Variants in NUDT6 observed in about 807,000 individuals in gnomAD.
NUDT6 encodes the protein nudix hydrolase 6.
Under a neutral mutation model 36.8 loss-of-function variants are expected in NUDT6, and 24 were observed. The ratio of observed to expected loss-of-function variants is 0.65; its 90% CI spans 0.47 to 0.92. The LOEUF is 0.92. NUDT6 is among the 40% of genes least tolerant of loss of function. The pLI, the probability that NUDT6 is intolerant of heterozygous loss-of-function variation, is 0.00. For synonymous variants in NUDT6, 163 were observed against 157.0 expected (o/e 1.04, Z -0.29); for missense variants, 388 against 392.8 (o/e 0.99, Z 0.10).
upstream of NUDT6, chr4:122,922,781 C>G (rs1728128712): frequency 3.4e-6 from 2 of 582,372 alleles, no homozygotes; most frequent in South Asian, 4.5e-5. Context: ...GGGAAAACCT[C>G]CTCCCCCACC....
chr4:122,902,910 G>A (rs1227218988), intron 3 of NUDT6, among the ~76,000 whole-genome samples: 1 of 152,168 alleles, frequency 6.6e-6, no homozygotes, highest in Non-Finnish European at 1.5e-5. Flanking sequence ...AATGCCTGGG[G>A]AGAGTGAGGT....
At chr4:122,903,917 A>G (rs1268020853) in intron 3 of NUDT6, among the ~76,000 whole-genome samples, 2 of 152,236 alleles carry the variant, frequency 1.3e-5, no homozygotes, top group Non-Finnish European at 2.9e-5. Flanking sequence ...CTGGGTCCAG[A>G]TAAACCAGCA....
At chr4:122,901,017 AGAT>A (rs1323980275) in intron 3 of NUDT6, among the ~76,000 whole-genome samples, 1 of 152,224 alleles carries the variant, frequency 6.6e-6, no homozygotes, top group African/African-American at 2.4e-5. Context: ...CTATAAAAGA[AGAT>A]GATATCTCTA....
At chr4:122,899,520 A>T (rs1223090360) in intron 3 of NUDT6, among the ~76,000 whole-genome samples, 1 of 152,214 alleles carries the variant, frequency 6.6e-6, no homozygotes, top group Non-Finnish European at 1.5e-5. Context: ...CTTAAGCAGT[A>T]GACAGTCCTA....
At chr4:122,913,857 G>T (rs1727778418) in intron 2 of NUDT6, among the ~76,000 whole-genome samples, 1 of 151,940 alleles carries the variant, frequency 6.6e-6, no homozygotes, top group Non-Finnish European at 1.5e-5. Flanking sequence ...TGATCTTTTA[G>T]ATGTTATGAT....
At chr4:122,901,398 G>C (rs1727521533) in intron 3 of NUDT6, among the ~76,000 whole-genome samples, 1 of 152,160 alleles carries the variant, frequency 6.6e-6, no homozygotes, top group Admixed American at 6.5e-5. Context: ...TTGGAATGGT[G>C]AATGGTATGA....
intron 4 of NUDT6, 173 bp downstream of exon 4, chr4:122,897,451 A>G (rs1578488814): frequency 1.6e-5 from 10 of 630,232 alleles, no homozygotes; most frequent in African/African-American, 3.7e-5. Flanking sequence ...AAACTGTAAT[A>G]TTAGAAATTA....
chr4:122,900,055 C>CTA (rs1727482369), intron 3 of NUDT6, among the ~76,000 whole-genome samples: 1 of 80,642 alleles, frequency 1.2e-5, no homozygotes, highest in East Asian at 3.7e-4. Flanking sequence ...TGCACCCCCG[C>CTA]CACCCCCCCC....
At chr4:122,899,960 A>T (rs1025981942) in intron 3 of NUDT6, among the ~76,000 whole-genome samples, 1 of 152,028 alleles carries the variant, frequency 6.6e-6, no homozygotes, top group Non-Finnish European at 1.5e-5. Flanking sequence ...CGGCCCTGAC[A>T]AGCCAGTGCT....
chr4:122,922,518 C>G lies in NUDT6; in HGVS notation c.55G>C (p.Gly19Arg), dbSNP rs114290529. 2.4e-3 allele frequency: 3,908 copies of G among 1,608,402 alleles called. 72 individuals carry two copies. The African/African-American group carries it at 0.041, about 17-fold the overall frequency. The change falls in exon 1 of 5, where the codon GGC becomes CGC. Residue 19 changes from glycine to arginine, a missense_variant. Gly to Arg is a moderately radical substitution (Grantham distance 125). Transcript: ENST00000304430. Reference sequence around the variant, plus strand: ...CGGTAACCCGCCGAAGGCCCGGGGCCGTAGGTTCGGGCAAGCATCGCGCGC... The same window carrying G: ...CGGTAACCCGCCGAAGGCCCGGGGCGGTAGGTTCGGGCAAGCATCGCGCGC... Reference protein sequence around the residue: ...RWRAMLARTYGPGPSAGYRWA... With the variant: ...RWRAMLARTYRPGPSAGYRWA...
chr4:122,912,545 T>C (rs779816071), intron 3 of NUDT6, 23 bp downstream of exon 3: 3 of 1,538,958 alleles, frequency 1.9e-6, no homozygotes, highest in African/African-American at 1.4e-5. Context: ...TAGGAAGCAA[T>C]TTATAAAACA....
In NUDT6 at chr4:122,892,822, G is replaced by A; in HGVS notation, c.*6C>T. 1 of 1,581,956 alleles carries A rather than the reference G, an allele frequency of 6.3e-7. No homozygotes were observed. The highest frequency in any genetic ancestry group is 8.6e-7 in the Non-Finnish European group (1 of 1,159,510). Reference sequence around the variant, plus strand: ...TCTACATGTTTCTAAACATATAAATGTGAATTTAATCAATTCCTTTCATAG... The same window carrying A: ...TCTACATGTTTCTAAACATATAAATATGAATTTAATCAATTCCTTTCATAG... On this transcript the variant is annotated 3_prime_UTR_variant, in exon 5 of 5. Transcript: ENST00000304430.
Position 122,915,477 on chromosome 4 carries a change from A to AC in NUDT6, c.442+2023_442+2024insG, listed in dbSNP as rs1560773796. On this transcript the variant is annotated intron_variant, in intron 2 of 4. Coordinates refer to ENST00000304430, the MANE Select transcript of NUDT6 (RefSeq NM_007083.5). ...AAAGTGAGACCCTGCCTCAAAAAAA[A>AC]AAAAAAAAAAAAAAAAAAAAACAAC... 1.7e-3 allele frequency among the ~76,000 whole-genome samples: 132 copies of AC among 77,444 alleles called. 1 individual carries two copies. The highest frequency in any genetic ancestry group is 3.0e-3 in the Non-Finnish European group (102 of 34,218). 50.8% of individuals were successfully genotyped at this position (77,444 alleles called of 152,430 possible). A position where few individuals can be genotyped will look rare whatever the true frequency, so the allele number is the denominator to read the frequency against.
Position 122,922,581 on chromosome 4 carries a change from C to G in NUDT6, c.-9G>C. 1.3e-6 allele frequency: 2 copies of G among 1,588,854 alleles called. No homozygotes were observed. Among genetic ancestry groups the G allele is most frequent in the Non-Finnish European group, 1.7e-6 (2 of 1,172,820 alleles). Reference sequence around the variant, plus strand: ...CTCAGTGGCTGCCGCATCTCCACGCCGCTTAATTCGTCCGTTGCCCAAATG... The same window carrying G: ...CTCAGTGGCTGCCGCATCTCCACGCGGCTTAATTCGTCCGTTGCCCAAATG... On this transcript the variant is annotated 5_prime_UTR_variant, in exon 1 of 5. Coordinates refer to ENST00000304430, the MANE Select transcript of NUDT6 (RefSeq NM_007083.5).
At chr4:122,916,931 A>G (rs1308374316) in intron 2 of NUDT6, among the ~76,000 whole-genome samples, 1 of 152,230 alleles carries the variant, frequency 6.6e-6, no homozygotes, top group Non-Finnish European at 1.5e-5. Flanking sequence ...TAGGTAGCCT[A>G]TGGATCATGG....
intron 4 of NUDT6, chr4:122,897,407 A>T (rs1311418479): frequency 3.6e-6 from 2 of 552,242 alleles, no homozygotes; most frequent in Non-Finnish European, 6.5e-6. Context: ...AATAGGTGGT[A>T]TGTTCCTAAT....
chr4:122,909,209 G>A (rs1727681954), intron 3 of NUDT6, among the ~76,000 whole-genome samples: 1 of 151,940 alleles, frequency 6.6e-6, no homozygotes, highest in African/African-American at 2.4e-5. Context: ...GGGACCATAG[G>A]TGCGCACCAC....
At chr4:122,904,764 C>T (rs12509014) in intron 3 of NUDT6, among the ~76,000 whole-genome samples, 96,855 of 152,150 alleles carry the variant, frequency 0.64, 34,842 homozygotes, top group East Asian at 0.95. Flanking sequence ...TCTTCCTCAC[C>T]TACTTTATGA....
intron 3 of NUDT6, among the ~76,000 whole-genome samples, chr4:122,902,328 G>A: frequency 6.6e-6 from 1 of 152,058 alleles, no homozygotes; most frequent in East Asian, 1.9e-4. Flanking sequence ...GGCACCATGT[G>A]TTTTTCTTAA....
Sources: allele counts gnomAD v4.1 joint callset (sites outside exome capture counted in the v4.1 genomes callset), GRCh38; gene constraint gnomAD v4.1.1; transcripts MANE v1.5; gene names NCBI Gene and HGNC (gene_info 2026-07-23, HGNC 2026-07-21).